Variants in FAM13C observed in about 807,000 individuals in gnomAD.
FAM13C encodes protein FAM13C.
A neutral mutation model predicts 73.2 loss-of-function variants in FAM13C; 37 were observed. The observed-to-expected ratio is 0.51, with a 90% CI of 0.39 to 0.67. FAM13C has a LOEUF of 0.67. FAM13C is among the 30% of genes least tolerant of loss of function. The pLI is 0.00. For missense variants in FAM13C, 589 were observed against 715.6 expected (o/e 0.82, Z 2.02); for synonymous variants, 246 against 260.9 (o/e 0.94, Z 0.55).
chr10:59,279,720 T>A (rs1844721644), intron 6 of FAM13C, among the ~76,000 whole-genome samples: 2 of 152,230 alleles, frequency 1.3e-5, no homozygotes, highest in South Asian at 4.1e-4. Context: ...ACTAATTCCA[T>A]GCTGGAAATA....
chr10:59,346,249 G>C (rs975692062), intron 3 of FAM13C, among the ~76,000 whole-genome samples: 1 of 152,158 alleles, frequency 6.6e-6, no homozygotes, highest in Non-Finnish European at 1.5e-5. Context: ...TTTTAATTCA[G>C]AGTGTAATAC....
chr10:59,287,850 G>A (rs1021146247), intron 5 of FAM13C, among the ~76,000 whole-genome samples: 6 of 152,186 alleles, frequency 3.9e-5, no homozygotes, highest in Non-Finnish European at 5.9e-5. Flanking sequence ...ATAGAGCTCT[G>A]GCCATGTGGC....
intron 13 of FAM13C, among the ~76,000 whole-genome samples, chr10:59,249,443 A>G (rs1589325096): frequency 1.3e-5 from 2 of 150,890 alleles, no homozygotes; most frequent in East Asian, 3.9e-4. Context: ...GTGCTTTGAC[A>G]AGAATGAAAA....
chr10:59,356,593 C>A (rs1855735694), intron 1 of FAM13C, among the ~76,000 whole-genome samples: 1 of 152,154 alleles, frequency 6.6e-6, no homozygotes, highest in Non-Finnish European at 1.5e-5. Flanking sequence ...GCCTGGAATA[C>A]TTTTTCCATC....
intron 2 of FAM13C, among the ~76,000 whole-genome samples, chr10:59,355,096 T>A (rs552632730): frequency 6.6e-6 from 1 of 152,286 alleles, no homozygotes; most frequent in African/African-American, 2.4e-5. Context: ...TCTGGGCTGT[T>A]TGATTCTTCT....
At chr10:59,360,952 C>T (rs1856332302) in intron 1 of FAM13C, 1 of 1,180,102 alleles carries the variant, frequency 8.5e-7, no homozygotes, top group Non-Finnish European at 1.1e-6. Flanking sequence ...AGGATTTGGC[C>T]ACACCAGGCT....
chr10:59,307,105 G>A (rs284584), intron 4 of FAM13C, among the ~76,000 whole-genome samples: 149,356 of 152,144 alleles, frequency 0.98, 73,366 homozygotes, highest in Middle Eastern at 1. Context: ...TGTCTTTCAT[G>A]AAGAGAGGCA....
chr10:59,323,747 T>C (rs1163422794), intron 4 of FAM13C, among the ~76,000 whole-genome samples: 2 of 152,174 alleles, frequency 1.3e-5, no homozygotes, highest in Non-Finnish European at 2.9e-5. Context: ...CTGTCTCCAC[T>C]TCCCCCTGAG....
At chr10:59,286,056 G>A (rs1186314624) in intron 5 of FAM13C, among the ~76,000 whole-genome samples, 2 of 152,220 alleles carry the variant, frequency 1.3e-5, no homozygotes, top group Non-Finnish European at 2.9e-5. Context: ...ACGTGGTTAT[G>A]CACATACAAT....
intron 3 of FAM13C, among the ~76,000 whole-genome samples, chr10:59,336,581 T>C (rs568590713): frequency 1.3e-3 from 203 of 152,316 alleles, no homozygotes; most frequent in African/African-American, 4.2e-3. Flanking sequence ...GCCCATGTCC[T>C]AGCTGAAAGG....
chr10:59,353,418 C>G (rs959528572), intron 2 of FAM13C, among the ~76,000 whole-genome samples: 1 of 152,204 alleles, frequency 6.6e-6, no homozygotes, highest in Non-Finnish European at 1.5e-5. Context: ...ACCACAATCA[C>G]TGTCACTAGA....
intron 4 of FAM13C, among the ~76,000 whole-genome samples, chr10:59,319,115 A>ACT: frequency 7.3e-6 from 1 of 137,756 alleles, no homozygotes; most frequent in South Asian, 2.3e-4. Context: ...ACACACACAC[A>ACT]CACATTGTCT....
chr10:59,312,373 A>G (rs528424264), intron 4 of FAM13C, among the ~76,000 whole-genome samples: 1 of 152,270 alleles, frequency 6.6e-6, no homozygotes, highest in Admixed American at 6.5e-5. Context: ...AAAAGGAAAG[A>G]GTCATGAGTC....
chr10:59,321,358 G>A (rs150444533), intron 4 of FAM13C, among the ~76,000 whole-genome samples: 1 of 151,084 alleles, frequency 6.6e-6, no homozygotes, highest in African/African-American at 2.4e-5. Context: ...GCAGCCTCTG[G>A]AAACTGGAAA....
At chr10:59,326,334 T>C (rs1851125699) in intron 3 of FAM13C, among the ~76,000 whole-genome samples, 1 of 152,138 alleles carries the variant, frequency 6.6e-6, no homozygotes, top group Admixed American at 6.6e-5. Context: ...TATGTTTCTT[T>C]TCCCCACCAA....
intron 3 of FAM13C, among the ~76,000 whole-genome samples, chr10:59,343,901 G>T (rs1185645611): frequency 1.3e-5 from 2 of 151,228 alleles, no homozygotes; most frequent in Non-Finnish European, 2.9e-5. Flanking sequence ...GGAGGTTTTC[G>T]TGTTTTTGCC....
At chr10:59,346,372 T>C (rs139672972) in intron 3 of FAM13C, among the ~76,000 whole-genome samples, 2 of 152,284 alleles carry the variant, frequency 1.3e-5, no homozygotes, top group Non-Finnish European at 2.9e-5. Context: ...AAGATAAAAA[T>C]GAAGATTTCA....
At chr10:59,268,402 A>G in intron 8 of FAM13C, 151 bp downstream of exon 8, 1 of 835,234 alleles carries the variant, frequency 1.2e-6, no homozygotes, top group South Asian at 2.0e-5. Flanking sequence ...GACAGATAGA[A>G]GATGAAGACT....
chr10:59,320,404 G>A (rs1217058964), intron 4 of FAM13C, among the ~76,000 whole-genome samples: 6 of 152,202 alleles, frequency 3.9e-5, no homozygotes, highest in Admixed American at 1.3e-4. Flanking sequence ...GGGAGGAAGG[G>A]TGCAGTGAAA....
Sources: allele counts gnomAD v4.1 joint callset (sites outside exome capture counted in the v4.1 genomes callset), GRCh38; gene constraint gnomAD v4.1.1; transcripts MANE v1.5; gene names NCBI Gene and HGNC (gene_info 2026-07-23, HGNC 2026-07-21).